The following CACNB2 variants were observed in gnomAD, a reference collection of about 807,000 sequenced individuals.
The protein encoded by CACNB2 is voltage-dependent L-type calcium channel subunit beta-2.
A neutral mutation model predicts 73.3 loss-of-function variants in CACNB2; 42 were observed. The ratio of observed to expected loss-of-function variants is 0.57; its 90% confidence interval spans 0.45 to 0.74. The LOEUF (loss-of-function observed/expected upper bound fraction) is 0.74. Among genes scored for constraint, CACNB2 ranks in the 30% least tolerant of loss-of-function variants. The pLI is 0.00. For synonymous variants in CACNB2, 348 were observed against 310.3 expected, an observed-to-expected ratio of 1.12 and a Z score of -1.28; for missense variants, 940 against 853.0, an observed-to-expected ratio of 1.10 and a Z score of -1.27.
rs549006977 is a variant in CACNB2 at position 18,260,898 on chromosome 10, G to A, written c.213+109923G>A. ...TTTGAAAATCTCCCGAGTTGAGAAT[G>A]GCTACTGTAAAAGCGTCACCAAGAA... On this transcript the variant is annotated intron_variant, in intron 2 of 13. Coordinates refer to ENST00000324631, the MANE Select transcript of CACNB2 (RefSeq NM_201596.3). 4.4e-5 allele frequency: 49 copies of A among 1,115,942 alleles called. No homozygotes were observed. In the South Asian group the frequency reaches 9.5e-4, roughly 22 times the overall value. 69.1% of individuals were successfully genotyped at this position (1,115,942 alleles called of 1,614,324 possible).
chr10:18,483,775 G>A (rs530679815), intron 3 of CACNB2, among the ~76,000 whole-genome samples: 1 of 152,262 alleles, frequency 6.6e-6, no homozygotes, highest in East Asian at 1.9e-4. Flanking sequence ...TTAGAATGCT[G>A]CTTTGGAAAT....
At chr10:18,492,643 AAAAG>A (rs2049522126) in intron 3 of CACNB2, among the ~76,000 whole-genome samples, 1 of 150,278 alleles carries the variant, frequency 6.7e-6, no homozygotes, top group African/African-American at 2.5e-5. Flanking sequence ...AAAAAAGAAA[AAAAG>A]AAAAGAAAAG....
At chr10:18,406,458 C>G (rs1269507865) in intron 3 of CACNB2, among the ~76,000 whole-genome samples, 1 of 152,196 alleles carries the variant, frequency 6.6e-6, no homozygotes, top group Non-Finnish European at 1.5e-5. Flanking sequence ...CTGAGCTCCG[C>G]CTCCTGTCAG....
intron 3 of CACNB2, among the ~76,000 whole-genome samples, chr10:18,475,854 A>C (rs1348845860): frequency 6.6e-6 from 1 of 152,220 alleles, no homozygotes; most frequent in African/African-American, 2.4e-5. Flanking sequence ...TACACGGTCC[A>C]GTTCATAGCC....
intron 3 of CACNB2, among the ~76,000 whole-genome samples, chr10:18,435,012 G>C (rs938416486): frequency 2.0e-5 from 3 of 152,194 alleles, no homozygotes; most frequent in Non-Finnish European, 4.4e-5. Context: ...GCCACACTTT[G>C]AGAACTGCTG....
intron 2 of CACNB2, among the ~76,000 whole-genome samples, chr10:18,166,719 G>A (rs2032879105): frequency 6.6e-6 from 1 of 152,078 alleles, no homozygotes; most frequent in Admixed American, 6.5e-5. Flanking sequence ...CAGGAGAAAA[G>A]AACATCACAC....
intron 2 of CACNB2, among the ~76,000 whole-genome samples, chr10:18,213,705 G>A (rs141484556): frequency 2.0e-5 from 3 of 152,316 alleles, no homozygotes; most frequent in African/African-American, 7.2e-5. Context: ...TTGCTGTGGA[G>A]TATGGAGTGA....
At chr10:18,463,611 T>G (rs1310228544) in intron 3 of CACNB2, among the ~76,000 whole-genome samples, 1 of 151,752 alleles carries the variant, frequency 6.6e-6, no homozygotes, top group African/African-American at 2.4e-5. Flanking sequence ...TTTTGTTTTT[T>G]TTTTGTAGAG....
intron 3 of CACNB2, among the ~76,000 whole-genome samples, chr10:18,488,157 G>A (rs967715893): frequency 6.6e-6 from 1 of 151,632 alleles, no homozygotes; most frequent in Non-Finnish European, 1.5e-5. Context: ...TGTGAAGAGA[G>A]AAACGGAAGA....
chr10:18,196,287 A>C (rs894735972), intron 2 of CACNB2, among the ~76,000 whole-genome samples: 1 of 131,136 alleles, frequency 7.6e-6, no homozygotes, highest in African/African-American at 2.8e-5. Context: ...ACCACCACCA[A>C]CAAAACTTTT....
intron 2 of CACNB2, among the ~76,000 whole-genome samples, chr10:18,336,604 G>A (rs1039578819): frequency 2.7e-5 from 4 of 149,616 alleles, no homozygotes; most frequent in Non-Finnish European, 5.9e-5. Flanking sequence ...GGGTAACAGA[G>A]AGAGAGACTC....
chr10:18,435,050 C>T (rs1189132330), intron 3 of CACNB2, among the ~76,000 whole-genome samples: 1 of 152,166 alleles, frequency 6.6e-6, no homozygotes, highest in African/African-American at 2.4e-5. Flanking sequence ...AGTCTCTGGT[C>T]TGCTGGAGCC....
chr10:18,260,469 G>A (rs950181886), intron 2 of CACNB2: 10 of 985,396 alleles, frequency 1.0e-5, no homozygotes, highest in African/African-American at 7.0e-5. Context: ...ACAACTGTGC[G>A]CCGCAGTGCT....
chr10:18,407,040 A>C (rs543328213), intron 3 of CACNB2, among the ~76,000 whole-genome samples: 1 of 150,518 alleles, frequency 6.6e-6, no homozygotes, highest in Non-Finnish European at 1.5e-5. Context: ...TTCAGAATGA[A>C]AAATGTTTTT....
chr10:18,157,947 T>C (rs2032179942), intron 2 of CACNB2, among the ~76,000 whole-genome samples: 1 of 152,142 alleles, frequency 6.6e-6, no homozygotes, highest in South Asian at 2.1e-4. Flanking sequence ...ATAATTCCCT[T>C]CTCTCATGAA....
chr10:18,488,781 T>G (rs573551075), intron 3 of CACNB2, among the ~76,000 whole-genome samples: 5 of 152,240 alleles, frequency 3.3e-5, no homozygotes, highest in African/African-American at 1.2e-4. Context: ...CACACCCCTT[T>G]AAATGAAAAG....
intron 2 of CACNB2, among the ~76,000 whole-genome samples, chr10:18,195,750 G>A (rs1021697563): frequency 6.6e-6 from 1 of 152,168 alleles, no homozygotes; most frequent in East Asian, 1.9e-4. Flanking sequence ...TCTGTGGACT[G>A]GTTCTGACAC....
intron 3 of CACNB2, among the ~76,000 whole-genome samples, chr10:18,429,750 A>C (rs1158862550): frequency 6.8e-6 from 1 of 146,958 alleles, no homozygotes; most frequent in African/African-American, 2.5e-5. Context: ...TGGGAGGATC[A>C]CTTGAGCCCA....
At chr10:18,173,862 G>C (rs1588618553) in intron 2 of CACNB2, among the ~76,000 whole-genome samples, 1 of 152,098 alleles carries the variant, frequency 6.6e-6, no homozygotes, top group Admixed American at 6.5e-5. Context: ...TAAATGTTTA[G>C]ATTTTACGTT....
Sources: gnomAD v4.1 joint callset for allele counts (sites outside exome capture counted in the v4.1 genomes callset) on GRCh38, gnomAD v4.1.1 for gene constraint, MANE v1.5 for transcripts, NCBI Gene and HGNC (gene_info 2026-07-23, HGNC 2026-07-21) for gene names.